The following FAT2 variants were observed in gnomAD, a reference collection of about 807,000 sequenced individuals.
The protein encoded by FAT2 is FAT atypical cadherin 2.
In FAT2, 150 loss-of-function variants were observed where a neutral mutation model predicts 295.3. The observed-to-expected ratio is 0.51, with a 90% CI of 0.44 to 0.58. The LOEUF (loss-of-function observed/expected upper bound fraction) is 0.58, where lower values mean the gene tolerates loss of function less well. Among genes scored for constraint, FAT2 ranks in the 20% least tolerant of loss-of-function variants. The probability of loss-of-function intolerance (pLI) is 0.00; values close to 1 mark genes in which losing one functional copy is unlikely to be tolerated. For missense variants in FAT2, 4,868 were observed against 5,442.7 expected (o/e 0.89, Z 3.32); for synonymous variants, 2,026 against 2,150.3 (o/e 0.94, Z 1.60).
In FAT2 at chr5:151,566,196, T is replaced by G. The variant is rs1249393197; in HGVS notation, c.2736A>C (p.Ile912=). ...GHQLFSVTDL[I]ITLEDVNDNS... is the part of the protein sequence containing the mutation. ...TGTCGTTGACATCCTCCAATGTGAT[T>G]ATCAGGTCAGTGACAGAGAAGAGCT... The change falls in exon 2 of 24, where the codon ATA becomes ATC. Residue 912 remains isoleucine, a synonymous_variant. Coordinates refer to ENST00000261800, the MANE Select transcript of FAT2 (RefSeq NM_001447.3). 2 of 1,614,036 alleles carry G rather than the reference T, an allele frequency of 1.2e-6. No homozygotes were observed. The highest frequency in any genetic ancestry group is 2.7e-5 in the African/African-American group (2 of 74,908).
At chr5:151,594,655 A>G (rs534694177), upstream of FAT2, among the ~76,000 whole-genome samples, 5 of 152,268 alleles carry the variant, frequency 3.3e-5, no homozygotes, top group Non-Finnish European at 7.4e-5. Context: ...GCCTGGGGAA[A>G]GCTGTCTTCT....
chr5:151,513,741 A>G (rs1752559107), intron 20 of FAT2, among the ~76,000 whole-genome samples: 1 of 152,210 alleles, frequency 6.6e-6, no homozygotes. Context: ...CCCCGAAACT[A>G]AACTAAAAAT....
In FAT2 at chr5:151,567,924, C is replaced by A; in HGVS notation, c.1008G>T (p.Arg336Ser). 1 of 1,614,158 alleles carries A rather than the reference C, an allele frequency of 6.2e-7. No homozygotes were observed. Among genetic ancestry groups the A allele is most frequent in the Non-Finnish European group, 8.5e-7 (1 of 1,180,034 alleles). ...LHGFNLSLQA[R>S]SGSGPYFYSQ... ...AATAAAAATAAGGGCCGCTCCCACTCCTGGCCTGGAGGCTGAGGTTGAACC... is the reference window on the plus strand; with the variant it reads ...AATAAAAATAAGGGCCGCTCCCACTACTGGCCTGGAGGCTGAGGTTGAACC... The change falls in exon 2 of 24, where the codon AGG becomes AGT. Residue 336 changes from arginine (R) to serine (S), a missense_variant. Around this residue, in one of 5 missense-constraint regions of FAT2, gnomAD observed 3,297 missense variants for 3,669.4 expected, o/e 0.90. Transcript: ENST00000261800.
chr5:151,520,687 A>G (rs1199698378), intron 19 of FAT2, among the ~76,000 whole-genome samples: 2 of 152,232 alleles, frequency 1.3e-5, no homozygotes, highest in African/African-American at 2.4e-5. Flanking sequence ...ATGGGAAACT[A>G]AAAAGCTCAG....
At chr5:151,519,238 C>T (rs944912709) in intron 19 of FAT2, among the ~76,000 whole-genome samples, 1 of 152,126 alleles carries the variant, frequency 6.6e-6, no homozygotes, top group African/African-American at 2.4e-5. Context: ...CAGCTACTCA[C>T]GAGGCTGAGG....
At chr5:151,547,481 T>C (rs921834113) in intron 9 of FAT2, among the ~76,000 whole-genome samples, 3 of 152,236 alleles carry the variant, frequency 2.0e-5, no homozygotes, top group African/African-American at 7.2e-5. Context: ...ATACTGCACT[T>C]TACATGTCTT....
Position 151,537,935 on chromosome 5 carries a change from A to C in FAT2, c.9051T>G (p.Thr3017=). Residue 3017 remains threonine, a synonymous_variant, in exon 12 of 24, where the codon ACT becomes ACG. Coordinates refer to ENST00000261800, the MANE Select transcript of FAT2 (RefSeq NM_001447.3). ...GAAATACATCTTCATGAACCTTGCC[A>C]GTATAGAGAAGCTAGAGATGGAAAG... ...NSPQCSQLLY[T]GKVHEDVFPG... 1 of 1,613,954 alleles carries C rather than the reference A, an allele frequency of 6.2e-7. No individual in the cohort carries two copies. Among genetic ancestry groups the C allele is most frequent in the Non-Finnish European group, 8.5e-7 (1 of 1,179,918 alleles).
intron 1 of FAT2, among the ~76,000 whole-genome samples, chr5:151,583,321 C>CA (rs1386634255): frequency 2.0e-5 from 3 of 152,094 alleles, no homozygotes; most frequent in African/African-American, 7.2e-5. Flanking sequence ...GCAGAATGGA[C>CA]AAGTATATTT....
chr5:151,538,016 A>G, intron 11 of FAT2, 70 bp from the exon 12 acceptor site: 1 of 1,438,652 alleles, frequency 7.0e-7, no homozygotes, highest in Non-Finnish European at 9.6e-7. Context: ...AAGCAGAGTG[A>G]CTGACTGAGG....
At position 151,566,365 on chromosome 5, in the gene FAT2, C is replaced by T. The variant is rs747640599; in HGVS notation, c.2567G>A (p.Arg856His). The T allele has an allele frequency of 7.4e-6, 12 of 1,614,024 alleles. No individual in the cohort carries two copies. In the Admixed American group the frequency reaches 1.3e-4, roughly 18 times the overall value. Residue 856 changes from arginine to histidine, a missense_variant, in exon 2 of 24, where the codon CGC (arginine) becomes CAC (histidine). By Grantham distance (29) the Arg-to-His change is conservative. Transcript: ENST00000261800. ...DADSEDNGRV[R>H]YTLLSPTEKF... ...CTCTGTGGGACTTAGCAGGGTGTAG[C>T]GAACCCTGCCATTGTCTTCCGAGTC...
intron 15 of FAT2, among the ~76,000 whole-genome samples, chr5:151,528,341 T>G (rs1384820072): frequency 6.6e-6 from 1 of 152,198 alleles, no homozygotes; most frequent in Admixed American, 6.5e-5. Context: ...CACCATTCAC[T>G]CTTGCTAACA....
Position 151,525,955 on chromosome 5 carries a change from G to C in FAT2, c.10319C>G (p.Pro3440Arg), listed in dbSNP as rs2127584724. The C allele has an allele frequency of 6.2e-7, 1 of 1,614,118 alleles. No homozygotes were observed. The change falls in exon 18 of 24, where the codon CCC becomes CGC. Residue 3440 changes from proline (P) to arginine (R), a missense_variant. Transcript: ENST00000261800. ...NYSTTVQENS[P>R]IGSKVLQLIL... ...CAGCTGCAGGACTTTGCTGCCAATG[G>C]GGGAGTTCTCCTGAGACCGAGAGTG...
At chr5:151,537,292 A>AG (rs199772590) in intron 12 of FAT2, among the ~76,000 whole-genome samples, 4,974 of 149,276 alleles carry the variant, frequency 0.033, 132 homozygotes, top group African/African-American at 0.068. Flanking sequence ...GAGGAGGAGG[A>AG]GGAGGGAGAG....
rs76756562 is a variant in FAT2, at chr5:151,560,042, C to A, written c.3574+3283G>T. On this transcript the variant is annotated intron_variant, in intron 3 of 23. Coordinates refer to ENST00000261800, the MANE Select transcript of FAT2 (RefSeq NM_001447.3). ...CTCAGACCCATATATGACCTTTCAT[C>A]TTCCCTCATCCAACAGTTTTCCAAC... Among the ~76,000 whole-genome samples the A allele has an allele frequency of 7.4e-4, 113 of 152,300 alleles. 1 individual carries two copies. Among genetic ancestry groups the A allele is most frequent in the African/African-American group, 2.6e-3 (108 of 41,568 alleles).
At chr5:151,593,109 C>T (rs900285740), upstream of FAT2, among the ~76,000 whole-genome samples, 7 of 152,192 alleles carry the variant, frequency 4.6e-5, no homozygotes, top group African/African-American at 1.7e-4. Flanking sequence ...CAGGGAGTTG[C>T]AGGGTGAGGG....
intron 13 of FAT2, among the ~76,000 whole-genome samples, chr5:151,533,393 AACAC>A (rs36215342): frequency 0.037 from 4,900 of 132,100 alleles, 109 homozygotes; most frequent in Admixed American, 0.072. Context: ...TGTTATCTCC[AACAC>A]ACACACACAC....
At chr5:151,549,567 G>A (rs2127620035) in intron 8 of FAT2, 62 bp from the exon 9 acceptor site, 1 of 1,468,744 alleles carries the variant, frequency 6.8e-7, no homozygotes, top group Non-Finnish European at 9.5e-7. Flanking sequence ...GCAGGGTTAG[G>A]GTAAGGTTAA....
chr5:151,510,325 G>T, intron 21 of FAT2, 151 bp from the exon 22 acceptor site: 1 of 851,008 alleles, frequency 1.2e-6, no homozygotes. Flanking sequence ...GCTGGGCATT[G>T]GTGCCCTGCT....
chr5:151,563,754 T>C (rs374704327), intron 2 of FAT2, 115 bp from the exon 3 acceptor site: 19 of 783,466 alleles, frequency 2.4e-5, no homozygotes, highest in East Asian at 8.0e-5. Context: ...AATAAGTAGA[T>C]TTTCTATGAA....
Sources: allele counts gnomAD v4.1 joint callset (sites outside exome capture counted in the v4.1 genomes callset), GRCh38; gene constraint gnomAD v4.1.1; regional missense constraint gnomAD v4.1.1; transcripts MANE v1.5; gene names NCBI Gene and HGNC (gene_info 2026-07-23, HGNC 2026-07-21).